The following CALR variants were observed in gnomAD, a reference collection of about 807,000 sequenced individuals.
The protein encoded by CALR is calreticulin.
In CALR, 15 loss-of-function variants were observed where a neutral mutation model predicts 51.1. That is an observed-to-expected ratio of 0.29 (90% CI 0.20 to 0.45). The LOEUF (loss-of-function observed/expected upper bound fraction) is 0.45. Ranked by LOEUF, CALR falls within the 20% of genes least tolerant of loss-of-function variation. CALR has a pLI of 1.00. For synonymous variants in CALR, 239 were observed against 205.9 expected (o/e 1.16, Z -1.38); for missense variants, 477 against 530.6 (o/e 0.90, Z 0.99).
rs889847443 is a variant in CALR at position 12,942,758 on chromosome 19, C to CT, written c.961-767dup. Reference sequence around the variant, plus strand: ...TACAGGCATGCGCCACGACGCTGGGCTTTTTTTTTTTTGAGATGGAATTTC... The same window carrying CT: ...TACAGGCATGCGCCACGACGCTGGGCTTTTTTTTTTTTTGAGATGGAATTTC... On this transcript the variant is annotated intron_variant, in intron 7 of 8. Transcript: ENST00000316448. Among the ~76,000 whole-genome samples, 935 of 142,430 alleles carry CT rather than the reference C, an allele frequency of 6.6e-3. 6 individuals are homozygous for CT. The highest frequency in any genetic ancestry group is 0.02 in the African/African-American group (774 of 38,820). 93.4% of individuals were successfully genotyped at this position (142,430 alleles called of 152,430 possible).
chr19:12,943,677 G>A (rs1433372787), intron 8 of CALR, 36 bp from the exon 9 acceptor site: 4 of 1,614,136 alleles, frequency 2.5e-6, no homozygotes, highest in Non-Finnish European at 3.4e-6. Context: ...AGGGCTGGCA[G>A]GGGGCAAGGC....
rs534687510 is a variant in CALR, at chr19:12,938,636, G to A, written c.-44G>A. ...CCGTACTGCAGAGCCGCTGCCGGAG[G>A]GTCGTTTTAAAGGGCCCGCGCGTTG... On this transcript the variant is annotated 5_prime_UTR_variant, in exon 1 of 9. Transcript: ENST00000316448. 1.2e-5 allele frequency: 18 copies of A among 1,466,808 alleles called. No homozygotes were observed. In the South Asian group the frequency reaches 1.9e-4, roughly 15 times the overall value. 90.9% of individuals were successfully genotyped at this position (1,466,808 alleles called of 1,614,324 possible). A position where few individuals can be genotyped will look rare whatever the true frequency, so the allele number is the denominator to read the frequency against.
chr19:12,938,948 C>G, intron 1 of CALR, 178 bp downstream of exon 1: 1 of 731,816 alleles, frequency 1.4e-6, no homozygotes, highest in Non-Finnish European at 2.5e-6. Context: ...AGCGGCCTCC[C>G]GCGGCGGGAG....
In CALR at chr19:12,938,642, T is replaced by C. The variant is rs1971497070; in HGVS notation, c.-38T>C. On this transcript the variant is annotated 5_prime_UTR_variant, in exon 1 of 9. Coordinates refer to ENST00000316448, the MANE Select transcript of CALR (RefSeq NM_004343.4). ...TGCAGAGCCGCTGCCGGAGGGTCGT[T>C]TTAAAGGGCCCGCGCGTTGCCGCCC... 1 of 1,539,036 alleles carries C rather than the reference T, an allele frequency of 6.5e-7. No individual in the cohort carries two copies. Among genetic ancestry groups the C allele is most frequent in the Non-Finnish European group, 8.9e-7 (1 of 1,125,274 alleles).
intron 2 of CALR, 33 bp downstream of exon 2, chr19:12,939,268 G>A (rs762690674): frequency 3.3e-6 from 5 of 1,509,222 alleles, no homozygotes; most frequent in Non-Finnish European, 3.7e-6. Flanking sequence ...TCAGATCCGG[G>A]AGGACTTCCT....
At chr19:12,939,281 C>T (rs887507328) in intron 2 of CALR, 46 bp downstream of exon 2, 3 of 1,446,714 alleles carry the variant, frequency 2.1e-6, no homozygotes, top group East Asian at 4.6e-5. Flanking sequence ...GACTTCCTGG[C>T]AGAAGTCCTT....
intron 7 of CALR, 43 bp downstream of exon 7, chr19:12,940,930 G>C: frequency 2.5e-6 from 4 of 1,601,546 alleles, no homozygotes; most frequent in Admixed American, 1.7e-5. Flanking sequence ...GGTACCTCAA[G>C]TGCATAAGAT....
At chr19:12,941,019 C>G in intron 7 of CALR, 132 bp downstream of exon 7, 1 of 847,576 alleles carries the variant, frequency 1.2e-6, no homozygotes, top group South Asian at 1.4e-5. Context: ...ACAGTACTTC[C>G]TGGTCTGTCC....
At position 12,939,246 on chromosome 19, in the gene CALR, A is replaced by G. The variant is rs1971510975; in HGVS notation, c.193+11A>G. 1.9e-6 allele frequency: 3 copies of G among 1,583,734 alleles called. No individual in the cohort carries two copies. In the African/African-American group the frequency reaches 4.0e-5, roughly 21 times the overall value. ...AGGAGAAAGATAAAGGTAAGAGCCT[A>G]GGAGTGGGTGCTCAGATCCGGGAGG... On this transcript the variant is annotated intron_variant, in intron 2 of 8. Coordinates refer to ENST00000316448, the MANE Select transcript of CALR (RefSeq NM_004343.4).
Position 12,944,082 on chromosome 19 carries a change from C to A in CALR, c.*169C>A. ...CCTCCTCCACTCTCCCCCACCCCCT[C>A]CCCGCCCTTTTTTTTTTTTTTTTTT... On this transcript the variant is annotated 3_prime_UTR_variant, in exon 9 of 9. Coordinates refer to ENST00000316448, the MANE Select transcript of CALR (RefSeq NM_004343.4). 9.7e-7 allele frequency: 1 copy of A among 1,035,444 alleles called. No homozygotes were observed. The highest frequency in any genetic ancestry group is 1.4e-6 in the Non-Finnish European group (1 of 736,716). The allele number at this position is 1,035,444 out of a possible 1,614,324, so 64.1% of individuals were successfully genotyped here. A position where few individuals can be genotyped will look rare whatever the true frequency, so the allele number is the denominator to read the frequency against.
chr19:12,943,671 C>G (rs1971580147), intron 8 of CALR, 42 bp downstream of exon 8: 2 of 1,614,076 alleles, frequency 1.2e-6, no homozygotes, highest in Non-Finnish European at 1.7e-6. Flanking sequence ...GCGGGCAGGG[C>G]TGGCAGGGGG....
In CALR at chr19:12,938,741, T is replaced by C; in HGVS notation, c.62T>C (p.Val21Ala). 1 of 1,611,738 alleles carries C rather than the reference T, an allele frequency of 6.2e-7. No homozygotes were observed. Among genetic ancestry groups the C allele is most frequent in the Non-Finnish European group, 8.5e-7 (1 of 1,179,442 alleles). ...LLGLAVAEPA[V>A]YFKEQFLDGD... ...GGCCTGGCCGTCGCCGAGCCTGCCG[T>C]CTACTTCAAGGAGCAGTTTCTGGAC... Residue 21 changes from valine to alanine, a missense_variant, in exon 1 of 9, where the codon GTC becomes GCC. Val to Ala is a moderately conservative substitution (Grantham distance 64, BLOSUM62 0). Transcript: ENST00000316448.
At chr19:12,941,217 G>A (rs1203783527) in intron 7 of CALR, among the ~76,000 whole-genome samples, 1 of 152,164 alleles carries the variant, frequency 6.6e-6, no homozygotes, top group Non-Finnish European at 1.5e-5. Flanking sequence ...GGGAGGCTGA[G>A]ACAGAGGATT....
At chr19:12,939,045 C>T in intron 1 of CALR, 89 bp from the exon 2 acceptor site, 3 of 818,784 alleles carry the variant, frequency 3.7e-6, no homozygotes, top group East Asian at 2.6e-5. Flanking sequence ...CCTTTCCTGT[C>T]CCCAGCAGCT....
At chr19:12,940,921 G>A in intron 7 of CALR, 34 bp downstream of exon 7, 1 of 1,609,802 alleles carries the variant, frequency 6.2e-7, no homozygotes, top group Non-Finnish European at 8.5e-7. Flanking sequence ...GATCCCTGGG[G>A]TACCTCAAGT....
Position 12,939,639 on chromosome 19 carries a change from C to A in CALR, c.397+8C>A, listed in dbSNP as rs779537086. On this transcript the variant is annotated splice_region_variant and intron_variant, in intron 3 of 8. Coordinates refer to ENST00000316448, the MANE Select transcript of CALR (RefSeq NM_004343.4). ...AATACAACATCATGTTTGGTGAGGG[C>A]CTGCTTCCTGGTGCTGATCTCTGTC... 6.2e-7 allele frequency: 1 copy of A among 1,609,240 alleles called. No individual in the cohort carries two copies. The highest frequency in any genetic ancestry group is 8.5e-7 in the Non-Finnish European group (1 of 1,175,706).
chr19:12,940,212 G>T, intron 4 of CALR, 31 bp from the exon 5 acceptor site: 1 of 1,611,684 alleles, frequency 6.2e-7, no homozygotes, highest in Non-Finnish European at 8.5e-7. Context: ...TCATTGGGGG[G>T]TGGCCCCCGC....
chr19:12,941,038 T>C, intron 7 of CALR, 151 bp downstream of exon 7: 1 of 763,352 alleles, frequency 1.3e-6, no homozygotes, highest in Non-Finnish European at 2.3e-6. Flanking sequence ...CCCTGTGAAG[T>C]CCTCACAGCA....
rs111306057 is a variant in CALR, at chr19:12,940,863, C to T, written c.936C>T (p.Gly312=). Residue 312 remains glycine (G), a synonymous_variant, in exon 7 of 9, where the codon GGC becomes GGT. Transcript: ENST00000316448. ...GTATCTATGCCTATGATAACTTTGG[C>T]GTGCTGGGCCTGGACCTCTGGCAGG... is the stretch of plus-strand genomic sequence containing the variant. The part of the protein sequence containing the change: ...DPSIYAYDNF[G]VLGLDLWQVK... The T allele has an allele frequency of 1.6e-5, 26 of 1,613,910 alleles. No homozygotes were observed. Among genetic ancestry groups the T allele is most frequent in the Non-Finnish European group, 1.8e-5 (21 of 1,179,966 alleles).
Sources: gnomAD v4.1 joint callset for allele counts (sites outside exome capture counted in the v4.1 genomes callset) on GRCh38, gnomAD v4.1.1 for gene constraint, MANE v1.5 for transcripts, NCBI Gene and HGNC (gene_info 2026-07-23, HGNC 2026-07-21) for gene names.